PC: variants seen among roughly 807,000 people sequenced by gnomAD.
PC encodes the protein pyruvate carboxylase, mitochondrial.
PC carries 46 observed loss-of-function variants against 107.8 expected under a neutral mutation model. That is an observed-to-expected ratio of 0.43 (90% CI 0.34 to 0.55). PC has a LOEUF of 0.55. Among genes scored for constraint, PC ranks in the 20% least tolerant of loss-of-function variants. The pLI is 0.04. For missense variants in PC, 1,241 were observed against 1,643.1 expected (o/e 0.76, Z 4.23); for synonymous variants, 662 against 684.7 (o/e 0.97, Z 0.52).
In PC at chr11:66,866,529, C is replaced by T. The variant is rs1360463907; in HGVS notation, c.1023-180G>A. The stretch of plus-strand genomic sequence containing the variant: ...AACCAGTGGCTCCACCAGCCCCTGC[C>T]CTGCTCCCGCCGGGAGCCGACTAAA... On this transcript the variant is annotated intron_variant, in intron 10 of 22. Transcript: ENST00000393960. The surrounding 1 kb of genome is among the most constrained non-coding windows in gnomAD (Gnocchi z 5.4). 6.6e-6 allele frequency among the ~76,000 whole-genome samples: 1 copy of T among 152,168 alleles called. No individual in the cohort carries two copies. The highest frequency in any genetic ancestry group is 1.5e-5 in the Non-Finnish European group (1 of 68,020).
intron 3 of PC, among the ~76,000 whole-genome samples, chr11:66,931,384 G>GAAAAAAAAAAA (rs60081578): frequency 1.2e-5 from 1 of 84,946 alleles, no homozygotes. Context: ...TCCATCTCAA[G>GAAAAAAAAAAA]AAAAAAAAAA....
intron 12 of PC, among the ~76,000 whole-genome samples, chr11:66,861,820 G>C (rs867778410): frequency 6.6e-6 from 1 of 152,096 alleles, no homozygotes; most frequent in African/African-American, 2.4e-5. Flanking sequence ...CCGTGGTCAC[G>C]GTCTCTAGTG....
chr11:66,864,729 AGAG>A (rs1462020448), intron 11 of PC, among the ~76,000 whole-genome samples: 1 of 152,308 alleles, frequency 6.6e-6, no homozygotes, highest in East Asian at 1.9e-4. Flanking sequence ...GGGGCAGCGG[AGAG>A]GAGGAGACAG....
chr11:66,885,053 G>T (rs1418672561), intron 3 of PC, among the ~76,000 whole-genome samples: 1 of 152,180 alleles, frequency 6.6e-6, no homozygotes, highest in Non-Finnish European at 1.5e-5. Flanking sequence ...CTGGATTAGA[G>T]AGGGCCTCCC....
intron 21 of PC, 90 bp downstream of exon 21, chr11:66,849,521 C>T: frequency 6.2e-7 from 1 of 1,610,650 alleles, no homozygotes; most frequent in Non-Finnish European, 8.5e-7. Flanking sequence ...GCTCCCAAAG[C>T]TTGCGAGGCT....
chr11:66,859,179 CCT>C (rs1946086216), intron 12 of PC: 1 of 1,414,614 alleles, frequency 7.1e-7, no homozygotes, highest in Non-Finnish European at 9.4e-7. Flanking sequence ...TTCCACCCCT[CCT>C]CTCTCTGGGG....
intron 3 of PC, among the ~76,000 whole-genome samples, chr11:66,908,582 C>A (rs964167739): frequency 6.6e-6 from 1 of 152,188 alleles, no homozygotes; most frequent in African/African-American, 2.4e-5. Flanking sequence ...AAGCAAAACA[C>A]CAGGCTGAGC....
At chr11:66,915,792 G>A (rs1229483398) in intron 3 of PC, among the ~76,000 whole-genome samples, 2 of 152,206 alleles carry the variant, frequency 1.3e-5, no homozygotes, top group South Asian at 4.1e-4. Flanking sequence ...AAATCCTGGT[G>A]CTGACAAGCA....
intron 3 of PC, among the ~76,000 whole-genome samples, chr11:66,933,479 A>G (rs1948914558): frequency 6.6e-6 from 1 of 152,032 alleles, no homozygotes; most frequent in Admixed American, 6.6e-5. Context: ...CCCTGTCCCA[A>G]TTCCCTATTT....
chr11:66,948,814 T>A (rs1412807082), intron 3 of PC, among the ~76,000 whole-genome samples: 1 of 152,054 alleles, frequency 6.6e-6, no homozygotes, highest in Non-Finnish European at 1.5e-5. Flanking sequence ...TACTCCAGCC[T>A]GAGTGACAGA....
At chr11:66,862,890 C>T (rs1339459378) in intron 12 of PC, among the ~76,000 whole-genome samples, 1 of 152,252 alleles carries the variant, frequency 6.6e-6, no homozygotes, top group East Asian at 1.9e-4. Context: ...GCTGCGCCCC[C>T]ACCCTCGGCT....
chr11:66,926,060 G>C (rs1591291130), intron 3 of PC, among the ~76,000 whole-genome samples: 1 of 152,150 alleles, frequency 6.6e-6, no homozygotes, highest in East Asian at 1.9e-4. Context: ...ATGGCAAAAA[G>C]ATAAGAAGCA....
intron 1 of PC, among the ~76,000 whole-genome samples, chr11:66,955,494 C>T (rs1011124456): frequency 1.3e-5 from 2 of 152,140 alleles, no homozygotes; most frequent in African/African-American, 4.8e-5. Flanking sequence ...CAGGCTGCAG[C>T]GGGCTTCAGT....
intron 12 of PC, chr11:66,856,680 G>A (rs1945856114): frequency 6.6e-6 from 1 of 152,556 alleles, no homozygotes; most frequent in Non-Finnish European, 1.5e-5. Flanking sequence ...GTGTGGGTGT[G>A]TTGGGGAGGG....
At chr11:66,920,816 A>C (rs1948576200) in intron 3 of PC, among the ~76,000 whole-genome samples, 1 of 152,050 alleles carries the variant, frequency 6.6e-6, no homozygotes, top group Admixed American at 6.6e-5. Flanking sequence ...AGGCCGAGGC[A>C]GGTGGATCAC....
At chr11:66,903,791 T>TATATAC (rs1161764120) in intron 3 of PC, among the ~76,000 whole-genome samples, 11 of 120,458 alleles carry the variant, frequency 9.1e-5, no homozygotes, top group East Asian at 2.2e-4. Flanking sequence ...TATATATATA[T>TATATAC]ACACACACCC....
At chr11:66,904,240 C>G (rs1015080046) in intron 3 of PC, among the ~76,000 whole-genome samples, 7 of 152,044 alleles carry the variant, frequency 4.6e-5, no homozygotes, top group Admixed American at 4.6e-4. Context: ...TCAGGTGACT[C>G]ACTGTGTCAA....
At position 66,852,481 on chromosome 11, in the gene PC, C is replaced by A. The variant is rs771146488; in HGVS notation, c.1783G>T (p.Ala595Ser). The A allele has an allele frequency of 9.3e-6, 15 of 1,614,078 alleles. No individual in the cohort carries two copies. In the South Asian group the frequency reaches 1.5e-4, roughly 17 times the overall value. Residue 595 changes from alanine to serine, a missense_variant, in exon 15 of 23, where the codon GCC (alanine) becomes TCC (serine). Ala to Ser is a moderately conservative substitution (Grantham distance 99). Around this residue, in one of 2 missense-constraint regions of PC, gnomAD observed 1,143 missense variants for 1,551.9 expected, o/e 0.74. Transcript: ENST00000393960. This position sits in a 1 kb window ranked among gnomAD's most constrained non-coding sequence, Gnocchi z 4.7. ...CTGAAGAGCTTGCTGAAGTTGTGGG[C>A]AACATAGGGGGCGATCTTTTTGAGA... ...HDLKKIAPYVAHNFSKLFSME... is the reference protein window; with the variant it reads ...HDLKKIAPYVSHNFSKLFSME...
intron 12 of PC, among the ~76,000 whole-genome samples, chr11:66,856,397 A>T (rs1945830701): frequency 8.0e-6 from 1 of 125,610 alleles, no homozygotes; most frequent in South Asian, 2.9e-4. Flanking sequence ...GAGAGGCGAG[A>T]GGCAGCTGGG....
Sources: gnomAD v4.1 joint callset for allele counts (sites outside exome capture counted in the v4.1 genomes callset) on GRCh38, gnomAD v4.1.1 for gene constraint, gnomAD v4.1.1 regional missense constraint, Gnocchi (gnomAD v3.1) non-coding constraint, MANE v1.5 for transcripts, NCBI Gene and HGNC (gene_info 2026-07-23, HGNC 2026-07-21) for gene names.